The following KNDC1 variants were observed in gnomAD, a reference collection of about 807,000 sequenced individuals.
The protein encoded by KNDC1 is kinase non-catalytic C-lobe domain containing 1.
In KNDC1, 106 loss-of-function variants were observed where a neutral mutation model predicts 172.8. That is an observed-to-expected ratio of 0.61 (90% CI 0.52 to 0.72). KNDC1 has a LOEUF of 0.72. Ranked by LOEUF, KNDC1 falls within the 30% of genes least tolerant of loss-of-function variation. The probability of loss-of-function intolerance (pLI) is 0.00; values close to 1 mark genes in which losing one functional copy is unlikely to be tolerated. For missense variants in KNDC1, 2,325 were observed against 2,394.5 expected, an observed-to-expected ratio of 0.97 and a Z score of 0.61; for synonymous variants, 1,083 against 1,062.2, an observed-to-expected ratio of 1.02 and a Z score of -0.38.
At chr10:133,196,604 G>C (rs1232606978) in intron 10 of KNDC1, among the ~76,000 whole-genome samples, 2 of 152,210 alleles carry the variant, frequency 1.3e-5, no homozygotes, top group African/African-American at 4.8e-5. Context: ...AGGAGGATGA[G>C]ATCTAGACAC....
chr10:133,195,716 C>G lies in KNDC1; in HGVS notation c.1629C>G (p.Val543=). The change falls in exon 10 of 30, where the codon GTC becomes GTG. Residue 543 remains valine, a synonymous_variant. Transcript: ENST00000304613. The stretch of plus-strand genomic sequence containing the variant: ...TGTGGACCGCAGCCAAGTTCAGCGT[C>G]CCCCGCAACCACAAGCTGGCCCTGC... ...AVLWTAAKFS[V]PRNHKLALPR... is the part of the protein sequence containing the mutation. The G allele has an allele frequency of 6.2e-7, 1 of 1,612,694 alleles. No individual in the cohort carries two copies. The highest frequency in any genetic ancestry group is 1.1e-5 in the South Asian group (1 of 90,948).
intron 20 of KNDC1, among the ~76,000 whole-genome samples, chr10:133,208,739 C>T (rs551776063): frequency 4.6e-5 from 7 of 152,278 alleles, no homozygotes; most frequent in East Asian, 1.9e-4. Flanking sequence ...TGTGCCGTTG[C>T]GGGAGACGTC....
chr10:133,181,131 C>T (rs913517693), intron 3 of KNDC1, among the ~76,000 whole-genome samples: 1 of 151,946 alleles, frequency 6.6e-6, no homozygotes, highest in Non-Finnish European at 1.5e-5. Context: ...CACGGGGCAC[C>T]CACTGACGCC....
In KNDC1 at chr10:133,199,306, C is replaced by G. The variant is rs760935791; in HGVS notation, c.2758+40C>G. ...CAGACGCCCCAGAGGAGGCCCGGGC[C>G]AGGGAGAGCCCCACAGGGGACTCGG... On this transcript the variant is annotated intron_variant, in intron 14 of 29. Transcript: ENST00000304613. The G allele has an allele frequency of 1.9e-6, 3 of 1,542,726 alleles. No homozygotes were observed. In the African/African-American group the frequency reaches 4.1e-5, roughly 21 times the overall value.
Position 133,198,749 on chromosome 10 carries a change from G to C in KNDC1, c.2241G>C (p.Gly747=). Residue 747 remains glycine, a synonymous_variant, in exon 14 of 30, where the codon GGG becomes GGC. Coordinates refer to ENST00000304613, the MANE Select transcript of KNDC1 (RefSeq NM_152643.8). ...GPQGAAPEPL[G]ASVQRDSAQG... is the part of the protein sequence containing the mutation. ...AGGGAGCAGCCCCAGAGCCTCTTGG[G>C]GCGTCAGTGCAGCGTGACTCAGCCC... The C allele has an allele frequency of 6.3e-7, 1 of 1,581,788 alleles. No homozygotes were observed. The highest frequency in any genetic ancestry group is 1.2e-5 in the South Asian group (1 of 86,908).
chr10:133,207,956 C>T (rs1845249524), intron 20 of KNDC1, among the ~76,000 whole-genome samples: 1 of 152,202 alleles, frequency 6.6e-6, no homozygotes, highest in East Asian at 1.9e-4. Context: ...CCCTGGGCTG[C>T]ACCCTGTTCT....
chr10:133,195,603 C>T, intron 9 of KNDC1, 60 bp from the exon 10 acceptor site: 1 of 1,435,062 alleles, frequency 7.0e-7, no homozygotes, highest in Non-Finnish European at 9.2e-7. Context: ...GTGGGCAGGT[C>T]TGCTGGGCAC....
Position 133,199,168 on chromosome 10 carries a change from G to A in KNDC1, c.2660G>A (p.Arg887Lys), listed in dbSNP as rs138963989. Reference protein sequence around the residue: ...PCVDASPLPGRTACPSLQEAT... With the variant: ...PCVDASPLPGKTACPSLQEAT... ...GTGGATGCCTCGCCACTCCCAGGGA[G>A]GACGGCCTGCCCGTCGCTGCAGGAG... The change falls in exon 14 of 30, where the codon AGG becomes AAG. Residue 887 changes from arginine to lysine, a missense_variant. Coordinates refer to ENST00000304613, the MANE Select transcript of KNDC1 (RefSeq NM_152643.8). 0.015 allele frequency: 23,890 copies of A among 1,600,304 alleles called. 205 individuals carry two copies. Among genetic ancestry groups the A allele is most frequent in the Non-Finnish European group, 0.018 (21,599 of 1,174,264 alleles).
intron 1 of KNDC1, among the ~76,000 whole-genome samples, chr10:133,166,503 G>C (rs1381101341): frequency 3.9e-5 from 6 of 152,174 alleles, no homozygotes; most frequent in African/African-American, 1.4e-4. Context: ...GTGTGCGGTG[G>C]CATGTAGTAT....
Position 133,224,601 on chromosome 10 carries a change from C to A in KNDC1, c.5019-58C>A, listed in dbSNP as rs954159513. The stretch of plus-strand genomic sequence containing the variant: ...TAAGAACGCGGGGGGACTCCCTCCC[C>A]ACGGAAGCCGCGCCCCTGCCCTGTG... On this transcript the variant is annotated intron_variant, in intron 29 of 29. Transcript: ENST00000304613. The surrounding 1 kb of genome is among the most constrained non-coding windows in gnomAD (Gnocchi z 5.4). 3.1e-6 allele frequency: 4 copies of A among 1,304,676 alleles called. No homozygotes were observed. The highest frequency in any genetic ancestry group is 4.3e-6 in the Non-Finnish European group (4 of 922,980). The allele number at this position is 1,304,676 out of a possible 1,614,324, so 80.8% of individuals were successfully genotyped here. A position where few individuals can be genotyped will look rare whatever the true frequency, so the allele number is the denominator to read the frequency against.
intron 15 of KNDC1, 147 bp downstream of exon 15, chr10:133,199,749 G>A (rs1414924954): frequency 1.1e-6 from 1 of 900,950 alleles, no homozygotes; most frequent in Non-Finnish European, 1.7e-6. Context: ...CCTTGGTGGA[G>A]ATGGGTGGGG....
In KNDC1 at chr10:133,199,728, A is replaced by G. The variant is rs1419761501; in HGVS notation, c.2903+126A>G. ...CCGCTTCCATCTCGCTGCTGTCTCC[A>G]GAGGGGCTACCCTTGGTGGAGATGG... On this transcript the variant is annotated intron_variant, in intron 15 of 29. Coordinates refer to ENST00000304613, the MANE Select transcript of KNDC1 (RefSeq NM_152643.8). 8 of 1,115,426 alleles carry G rather than the reference A, an allele frequency of 7.2e-6. No individual in the cohort carries two copies. In the East Asian group the frequency reaches 1.7e-4, roughly 24 times the overall value. 69.1% of individuals were successfully genotyped at this position (1,115,426 alleles called of 1,614,324 possible).
chr10:133,181,237 C>T (rs1206494618), intron 3 of KNDC1, among the ~76,000 whole-genome samples: 1 of 152,242 alleles, frequency 6.6e-6, no homozygotes, highest in Admixed American at 6.5e-5. Flanking sequence ...ATGGGAAGCA[C>T]CCACAGCAGC....
chr10:133,210,004 C>T (rs1845324519), intron 20 of KNDC1, among the ~76,000 whole-genome samples: 3 of 152,086 alleles, frequency 2.0e-5, no homozygotes, highest in Admixed American at 6.6e-5. Flanking sequence ...CGCCCGGTCC[C>T]GAGGCACCAG....
At chr10:133,198,238 C>T (rs1564890082) in intron 12 of KNDC1, 99 bp from the exon 13 acceptor site, 17 of 1,356,432 alleles carry the variant, frequency 1.3e-5, no homozygotes, top group Admixed American at 5.0e-5. Context: ...CGCGGCACCA[C>T]GCACTGGGTG....
chr10:133,179,933 C>T (rs1049644460), intron 3 of KNDC1, among the ~76,000 whole-genome samples: 2 of 152,238 alleles, frequency 1.3e-5, no homozygotes, highest in South Asian at 2.1e-4. Context: ...CCCAGGACAG[C>T]GTCCCAGGTT....
At chr10:133,187,369 C>T (rs1853949775) in intron 6 of KNDC1, among the ~76,000 whole-genome samples, 1 of 152,242 alleles carries the variant, frequency 6.6e-6, no homozygotes, top group African/African-American at 2.4e-5. Context: ...CAAGGCCTGG[C>T]CAAGTGCATT....
rs115525899 is a variant in KNDC1 at position 133,170,114 on chromosome 10, G to A, written c.360+1802G>A. 3.2e-3 allele frequency among the ~76,000 whole-genome samples: 493 copies of A among 152,318 alleles called. 4 individuals carry two copies. The highest frequency in any genetic ancestry group is 0.011 in the African/African-American group (466 of 41,564). On this transcript the variant is annotated intron_variant, in intron 3 of 29. Coordinates refer to ENST00000304613, the MANE Select transcript of KNDC1 (RefSeq NM_152643.8). ...GGCACCTGCTGTGTGTTATCCCGTC[G>A]GGTGAAACGCTACATTTAAATCCCC... is the stretch of plus-strand genomic sequence containing the variant.
intron 3 of KNDC1, among the ~76,000 whole-genome samples, chr10:133,180,515 T>C (rs564578633): frequency 6.6e-6 from 1 of 152,350 alleles, no homozygotes; most frequent in South Asian, 2.1e-4. Flanking sequence ...TCAAACAGAT[T>C]AGGTCTGGAT....
Sources: gnomAD v4.1 joint callset for allele counts (sites outside exome capture counted in the v4.1 genomes callset) on GRCh38, gnomAD v4.1.1 for gene constraint, Gnocchi (gnomAD v3.1) non-coding constraint, MANE v1.5 for transcripts, NCBI Gene and HGNC (gene_info 2026-07-23, HGNC 2026-07-21) for gene names.